ARHGAP22: variants seen among roughly 807,000 people sequenced by gnomAD.
The protein encoded by ARHGAP22 is rho GTPase-activating protein 22.
A neutral mutation model predicts 59.1 loss-of-function variants in ARHGAP22; 48 were observed. The observed-to-expected ratio is 0.81, with a 90% CI of 0.64 to 1.03. The LOEUF (loss-of-function observed/expected upper bound fraction) is 1.03. Among genes scored for constraint, ARHGAP22 ranks in the 50% least tolerant of loss-of-function variants. The pLI is 0.00. For missense variants in ARHGAP22, 1,015 were observed against 958.7 expected (o/e 1.06, Z -0.78); for synonymous variants, 445 against 416.4 (o/e 1.07, Z -0.84).
At chr10:48,647,278 C>G (rs950286653) in intron 1 of ARHGAP22, among the ~76,000 whole-genome samples, 6 of 152,202 alleles carry the variant, frequency 3.9e-5, no homozygotes, top group African/African-American at 1.4e-4. Flanking sequence ...CCTGTAATCC[C>G]AGCTACTCAG....
Position 48,479,635 on chromosome 10 carries a change from C to T in ARHGAP22, c.451+1G>A. 1 of 1,613,884 alleles carries T rather than the reference C, an allele frequency of 6.2e-7. No individual in the cohort carries two copies. The highest frequency in any genetic ancestry group is 8.5e-7 in the Non-Finnish European group (1 of 1,179,972). ...GTGGGCATGCGATCTACGGGCAGTA[C>T]CTCCGCCCAGCGGGGCCCAGATGAC... On this transcript the variant is annotated splice_donor_variant, in intron 4 of 9. Coordinates refer to ENST00000249601, the MANE Select transcript of ARHGAP22 (RefSeq NM_021226.4). LOFTEE classifies it high-confidence loss of function.
chr10:48,610,738 C>T (rs558286442), intron 1 of ARHGAP22, among the ~76,000 whole-genome samples: 7 of 152,228 alleles, frequency 4.6e-5, no homozygotes, highest in South Asian at 4.2e-4. Context: ...GCCCAACTGG[C>T]GCTCCGAGCA....
chr10:48,564,458 A>G (rs2120909), intron 2 of ARHGAP22, among the ~76,000 whole-genome samples: 10,246 of 152,292 alleles, frequency 0.067, 373 homozygotes, highest in African/African-American at 0.11. Flanking sequence ...GTATAGAAAT[A>G]GCACAGAAAA....
chr10:48,615,186 G>C (rs1229947055), intron 1 of ARHGAP22, among the ~76,000 whole-genome samples: 1 of 152,184 alleles, frequency 6.6e-6, no homozygotes, highest in African/African-American at 2.4e-5. Flanking sequence ...CCAACCTCTA[G>C]ACTCTGCTCA....
At chr10:48,494,179 G>C (rs918921686) in intron 3 of ARHGAP22, among the ~76,000 whole-genome samples, 3 of 152,156 alleles carry the variant, frequency 2.0e-5, no homozygotes, top group Non-Finnish European at 2.9e-5. Flanking sequence ...CTGTGTCACA[G>C]ACAGAGAAGC....
At chr10:48,572,686 C>G (rs761384947) in intron 2 of ARHGAP22, among the ~76,000 whole-genome samples, 6 of 152,222 alleles carry the variant, frequency 3.9e-5, no homozygotes, top group Non-Finnish European at 5.9e-5. Flanking sequence ...GCCTTACCAT[C>G]CATTCCCTCA....
chr10:48,615,906 T>A (rs1372467062), intron 1 of ARHGAP22, among the ~76,000 whole-genome samples: 1 of 148,334 alleles, frequency 6.7e-6, no homozygotes, highest in Admixed American at 6.7e-5. Flanking sequence ...GAAGAAAAAA[T>A]TAGTAAATGT....
chr10:48,638,749 C>T (rs948676449), intron 1 of ARHGAP22, among the ~76,000 whole-genome samples: 18 of 152,090 alleles, frequency 1.2e-4, no homozygotes, highest in African/African-American at 4.3e-4. Flanking sequence ...TTTAAACTTC[C>T]CCTTCCCCTC....
intron 3 of ARHGAP22, chr10:48,493,475 T>C: frequency 2.6e-6 from 4 of 1,536,082 alleles, no homozygotes. Flanking sequence ...AGACACCTGA[T>C]GGGCCAGAAG....
rs374038772 is a variant in ARHGAP22, at chr10:48,474,563, T to C, written c.451+5073A>G. Among the ~76,000 whole-genome samples, 367 of 152,342 alleles carry C rather than the reference T, an allele frequency of 2.4e-3. 1 individual carries two copies. Among genetic ancestry groups the C allele is most frequent in the African/African-American group, 8.3e-3 (345 of 41,576 alleles). On this transcript the variant is annotated intron_variant, in intron 4 of 9. Coordinates refer to ENST00000249601, the MANE Select transcript of ARHGAP22 (RefSeq NM_021226.4). ...TCTTCCTCGATTAAGTATGTTATTATCAGTGGGCTTTTTGGAGATGCCCTT... is the reference window on the plus strand; with the variant it reads ...TCTTCCTCGATTAAGTATGTTATTACCAGTGGGCTTTTTGGAGATGCCCTT...
At chr10:48,637,900 C>T (rs76092820) in intron 1 of ARHGAP22, among the ~76,000 whole-genome samples, 7,753 of 152,274 alleles carry the variant, frequency 0.051, 271 homozygotes, top group South Asian at 0.13. Flanking sequence ...CTTCTTTCTC[C>T]CCCTTTTCCA....
chr10:48,585,173 T>C (rs1043724991), intron 1 of ARHGAP22, among the ~76,000 whole-genome samples: 3 of 152,200 alleles, frequency 2.0e-5, no homozygotes, highest in South Asian at 2.1e-4. Flanking sequence ...TGCTGGCTCC[T>C]TGCTTCTAGC....
At chr10:48,479,814 ACT>A (rs2049116685) in intron 3 of ARHGAP22, 50 bp from the exon 4 acceptor site, 1 of 1,483,760 alleles carries the variant, frequency 6.7e-7, no homozygotes, top group Non-Finnish European at 9.0e-7. Context: ...CCCGCAGCAC[ACT>A]CTCCACCGCC....
At chr10:48,603,188 G>C (rs916213830) in intron 1 of ARHGAP22, among the ~76,000 whole-genome samples, 1 of 152,192 alleles carries the variant, frequency 6.6e-6, no homozygotes, top group African/African-American at 2.4e-5. Flanking sequence ...AATTGCTCCT[G>C]GTTGAGAACC....
Position 48,582,959 on chromosome 10 carries a change from C to G in ARHGAP22, c.228G>C (p.Lys76Asn). ...LFYYKDKDEI[K>N]PQGFISLQGT... ...CCGGACATGCACTTCTCACCTGGGGCTTGATCTCATCTTTGTCCTTGTAGT... is the reference window on the plus strand; with the variant it reads ...CCGGACATGCACTTCTCACCTGGGGGTTGATCTCATCTTTGTCCTTGTAGT... The change falls in exon 2 of 10, where the codon AAG becomes AAC. Residue 76 changes from lysine to asparagine, a missense_variant. Coordinates refer to ENST00000249601, the MANE Select transcript of ARHGAP22 (RefSeq NM_021226.4). 1 of 1,614,256 alleles carries G rather than the reference C, an allele frequency of 6.2e-7. No homozygotes were observed. Among genetic ancestry groups the G allele is most frequent in the Non-Finnish European group, 8.5e-7 (1 of 1,180,030 alleles).
upstream of ARHGAP22, among the ~76,000 whole-genome samples, chr10:48,654,397 A>G (rs2136231663): frequency 6.6e-6 from 1 of 152,302 alleles, no homozygotes; most frequent in East Asian, 1.9e-4. Context: ...TCTCCCAAAC[A>G]TCTCTTCTTG....
At chr10:48,559,514 C>T (rs1004045795) in intron 2 of ARHGAP22, among the ~76,000 whole-genome samples, 2 of 152,202 alleles carry the variant, frequency 1.3e-5, no homozygotes, top group African/African-American at 4.8e-5. Flanking sequence ...AAGTTTTAGA[C>T]ATTGCAAAAT....
At chr10:48,511,920 C>A (rs975320868) in intron 3 of ARHGAP22, among the ~76,000 whole-genome samples, 24 of 152,196 alleles carry the variant, frequency 1.6e-4, no homozygotes, top group African/African-American at 5.5e-4. Flanking sequence ...AACAGCAGTC[C>A]CTGGCCACCT....
intron 2 of ARHGAP22, among the ~76,000 whole-genome samples, chr10:48,565,167 G>GAC (rs113413276): frequency 0.6 from 91,454 of 151,722 alleles, 28,689 homozygotes; most frequent in East Asian, 0.98. Context: ...TTTTAATCCT[G>GAC]ACTACTGCTT....
Sources: allele counts gnomAD v4.1 joint callset (sites outside exome capture counted in the v4.1 genomes callset), GRCh38; gene constraint gnomAD v4.1.1; transcripts MANE v1.5; gene names NCBI Gene and HGNC (gene_info 2026-07-23, HGNC 2026-07-21).